HNF4A: variants seen among roughly 807,000 people sequenced by gnomAD.
HNF4A encodes hepatocyte nuclear factor 4 alpha, also known as hepatocyte nuclear factor 4-alpha.
HNF4A carries 15 observed loss-of-function variants against 52.4 expected under a neutral mutation model. That is an observed-to-expected ratio of 0.29 (90% CI 0.19 to 0.44). The LOEUF (loss-of-function observed/expected upper bound fraction) is 0.44. Among genes scored for constraint, HNF4A ranks in the 20% least tolerant of loss-of-function variants. The pLI, the probability that HNF4A is intolerant of heterozygous loss-of-function variation, is 1.00. For synonymous variants in HNF4A, 280 were observed against 264.4 expected (o/e 1.06, Z -0.57); for missense variants, 479 against 647.2 (o/e 0.74, Z 2.82).
At chr20:44,414,373 C>A in intron 4 of HNF4A, 134 bp from the exon 5 acceptor site, 1 of 1,294,296 alleles carries the variant, frequency 7.7e-7, no homozygotes, top group East Asian at 2.3e-5. Context: ...CCTGAGCTTC[C>A]TTCAGAGCTG....
At chr20:44,390,799 T>C (rs2063293584) in intron 1 of HNF4A, 7 of 627,494 alleles carry the variant, frequency 1.1e-5, no homozygotes, top group South Asian at 7.3e-5. Flanking sequence ...CCTCATCCCC[T>C]AACCCAGGAA....
intron 1 of HNF4A, among the ~76,000 whole-genome samples, chr20:44,360,440 A>T (rs1203694314): frequency 6.6e-6 from 1 of 152,090 alleles, no homozygotes; most frequent in East Asian, 1.9e-4. Context: ...TGGATGGGTA[A>T]GTAGATGGAT....
upstream of HNF4A, among the ~76,000 whole-genome samples, chr20:44,396,463 T>A (rs996364864): frequency 9.9e-5 from 15 of 152,226 alleles, no homozygotes; most frequent in South Asian, 3.1e-3. Flanking sequence ...GGCAATCCCT[T>A]CCCGTCTCAA....
intron 3 of HNF4A, among the ~76,000 whole-genome samples, chr20:44,412,190 G>C (rs552578504): frequency 6.6e-6 from 1 of 152,338 alleles, no homozygotes; most frequent in East Asian, 1.9e-4. Context: ...GTGAACTAGA[G>C]GGATGGAGTT....
chr20:44,408,180 A>G (rs886405649), intron 3 of HNF4A: 8 of 157,360 alleles, frequency 5.1e-5, no homozygotes, highest in Non-Finnish European at 8.6e-5. Flanking sequence ...TGTTGTGAAA[A>G]TGAAATGAGC....
At chr20:44,426,531 C>T (rs1173271163) in intron 8 of HNF4A, among the ~76,000 whole-genome samples, 1 of 151,970 alleles carries the variant, frequency 6.6e-6, no homozygotes, top group Non-Finnish European at 1.5e-5. Context: ...AGGCCGGGCA[C>T]GGTGGCTCAC....
In HNF4A at chr20:44,381,424, G is replaced by T. The variant is rs575082774; in HGVS notation, c.50-24634G>T. Reference sequence around the variant, plus strand: ...CTCTCCTGAGTAGCTGGGACTACAGGCACATGACACCACATCTGGCTTATT... The same window carrying T: ...CTCTCCTGAGTAGCTGGGACTACAGTCACATGACACCACATCTGGCTTATT... On this transcript the variant is annotated intron_variant, in intron 1 of 9. Coordinates refer to the HNF4A transcript ENST00000316673. Among the ~76,000 whole-genome samples the T allele has an allele frequency of 5.3e-4, 81 of 151,954 alleles. No individual in the cohort carries two copies. The South Asian group carries it at 0.016, about 31-fold the overall frequency.
chr20:44,422,269 GA>G, intron 7 of HNF4A, among the ~76,000 whole-genome samples: 1 of 152,220 alleles, frequency 6.6e-6, no homozygotes, highest in South Asian at 2.1e-4. Context: ...TGCTCAACAC[GA>G]GGCTGGACTG....
chr20:44,359,487 G>A (rs2062894519), intron 1 of HNF4A, among the ~76,000 whole-genome samples: 2 of 152,212 alleles, frequency 1.3e-5, no homozygotes, highest in South Asian at 4.1e-4. Context: ...GTAGTGGAAA[G>A]AGATGGGAAA....
At chr20:44,397,127 A>C (rs1361052995), upstream of HNF4A, among the ~76,000 whole-genome samples, 1 of 152,244 alleles carries the variant, frequency 6.6e-6, no homozygotes, top group African/African-American at 2.4e-5. Flanking sequence ...ACACCCACTC[A>C]GTCCACAGAA....
chr20:44,429,958 G>A lies in HNF4A; in HGVS notation c.*293G>A, dbSNP rs771184618. 8 of 433,432 alleles carry A rather than the reference G, an allele frequency of 1.8e-5. No individual in the cohort carries two copies. The highest frequency in any genetic ancestry group is 6.3e-4 in the Middle Eastern group (1 of 1,580). The allele number at this position is 433,432 out of a possible 1,614,324, so 26.8% of individuals were successfully genotyped here. The stretch of plus-strand genomic sequence containing the variant: ...TCACCTTCATCCATGTCCAACCCCC[G>A]ACTTCATCCCAAAGGACAGCCGCCT... On this transcript the variant is annotated 3_prime_UTR_variant, in exon 10 of 10. Transcript: ENST00000316099.
At chr20:44,370,906 A>G (rs2063026796) in intron 1 of HNF4A, among the ~76,000 whole-genome samples, 1 of 152,180 alleles carries the variant, frequency 6.6e-6, no homozygotes, top group Non-Finnish European at 1.5e-5. Flanking sequence ...CCAAACTGCC[A>G]ACGCCTCTGT....
intron 1 of HNF4A, among the ~76,000 whole-genome samples, chr20:44,356,949 G>A (rs917982930): frequency 6.6e-6 from 1 of 152,150 alleles, no homozygotes; most frequent in Non-Finnish European, 1.5e-5. Context: ...TTCTGAAGTG[G>A]AGACAGGACT....
intron 1 of HNF4A, among the ~76,000 whole-genome samples, chr20:44,385,443 C>T (rs1169645773): frequency 2.6e-5 from 4 of 151,830 alleles, no homozygotes; most frequent in African/African-American, 4.8e-5. Flanking sequence ...AAGACACCTC[C>T]CCCCGTCTCT....
In HNF4A at chr20:44,401,365, C is replaced by T; in HGVS notation, c.-8C>T. ...AGGGCAGGTGGCCGCGGCGTGGAGG[C>T]AGGGAGAATGCGACTCTCCAAAACC... On this transcript the variant is annotated 5_prime_UTR_variant, in exon 1 of 10. Transcript: ENST00000316099. The T allele has an allele frequency of 6.2e-7, 1 of 1,614,050 alleles. No individual in the cohort carries two copies.
chr20:44,415,784 T>C (rs1032686537), intron 5 of HNF4A, among the ~76,000 whole-genome samples: 1 of 152,154 alleles, frequency 6.6e-6, no homozygotes, highest in Admixed American at 6.5e-5. Flanking sequence ...AAACGCTGGT[T>C]TGGCTTGTCC....
At chr20:44,417,389 T>C (rs6031591) in intron 5 of HNF4A, among the ~76,000 whole-genome samples, 5,496 of 152,272 alleles carry the variant, frequency 0.036, 345 homozygotes, top group African/African-American at 0.13. Flanking sequence ...TCTTGCCTTG[T>C]ACCCCCTGCA....
At chr20:44,388,727 A>G (rs1178168791) in intron 1 of HNF4A, among the ~76,000 whole-genome samples, 1 of 152,212 alleles carries the variant, frequency 6.6e-6, no homozygotes, top group Non-Finnish European at 1.5e-5. Flanking sequence ...AAAGCGCAGC[A>G]CTGCGGAGAG....
At chr20:44,401,721 C>G (rs937169734) in intron 1 of HNF4A, among the ~76,000 whole-genome samples, 3 of 152,248 alleles carry the variant, frequency 2.0e-5, no homozygotes, top group Non-Finnish European at 4.4e-5. Flanking sequence ...AAAAGTCGAT[C>G]CCGGCTATTC....
Sources: allele counts gnomAD v4.1 joint callset (sites outside exome capture counted in the v4.1 genomes callset), GRCh38; gene constraint gnomAD v4.1.1; transcripts MANE v1.5; gene names NCBI Gene and HGNC (gene_info 2026-07-23, HGNC 2026-07-21).